TRPM8: variants seen among roughly 807,000 people sequenced by gnomAD.
TRPM8 encodes the protein transient receptor potential cation channel subfamily M member 8.
In TRPM8, 110 loss-of-function variants were observed where a neutral mutation model predicts 133.7. The ratio of observed to expected loss-of-function variants is 0.82; its 90% CI spans 0.70 to 0.96. The LOEUF is 0.96. Among genes scored for constraint, TRPM8 ranks in the 40% least tolerant of loss-of-function variants. The pLI is 0.00. For synonymous variants in TRPM8, 535 were observed against 532.3 expected, an observed-to-expected ratio of 1.01 and a Z score of -0.07; for missense variants, 1,291 against 1,379.5, an observed-to-expected ratio of 0.94 and a Z score of 1.02.
chr2:233,979,909 T>C (rs1422470707), intron 17 of TRPM8, among the ~76,000 whole-genome samples: 2 of 152,190 alleles, frequency 1.3e-5, no homozygotes. Context: ...ACTCACCCTC[T>C]GCAGGTTCCT....
chr2:233,974,398 T>C (rs1691812609), intron 17 of TRPM8, among the ~76,000 whole-genome samples: 1 of 152,088 alleles, frequency 6.6e-6, no homozygotes, highest in African/African-American at 2.4e-5. Context: ...CATGCCCAGC[T>C]AATTTTTGTA....
intron 1 of TRPM8, among the ~76,000 whole-genome samples, chr2:233,925,578 C>T (rs575121869): frequency 1.3e-5 from 2 of 152,120 alleles, no homozygotes; most frequent in South Asian, 4.2e-4. Flanking sequence ...ACAGTCAGGC[C>T]GGGGAGGTGG....
chr2:233,919,240 GT>G (rs1380647371), intron 1 of TRPM8, among the ~76,000 whole-genome samples: 2 of 152,042 alleles, frequency 1.3e-5, no homozygotes, highest in Non-Finnish European at 2.9e-5. Flanking sequence ...TGAATATTCT[GT>G]TGTTCATGAG....
rs200440269 is a variant in TRPM8, at chr2:233,945,921, C to A, written c.765C>A (p.Asn255Lys). ...FTRDPLYILD[N>K]NHTHLLLVDN... ...GAGATCCACTGTATATCCTGGACAA[C>A]AACCACACACATTTGCTGCTCGTGG... The change falls in exon 7 of 26, where the codon AAC (asparagine) becomes AAA (lysine). Residue 255 changes from asparagine to lysine, a missense_variant. Asn to Lys is a moderately conservative substitution (Grantham distance 94). Coordinates refer to ENST00000324695, the MANE Select transcript of TRPM8 (RefSeq NM_024080.5). 6.8e-6 allele frequency: 11 copies of A among 1,614,036 alleles called. No homozygotes were observed. In the East Asian group the frequency reaches 2.4e-4, roughly 36 times the overall value.
intron 3 of TRPM8, among the ~76,000 whole-genome samples, chr2:233,935,884 C>A (rs1366771584): frequency 1.3e-4 from 20 of 152,072 alleles, no homozygotes; most frequent in Admixed American, 1.2e-3. Context: ...TCTTTGGAGA[C>A]CACATCTCTC....
intron 16 of TRPM8, 51 bp from the exon 17 acceptor site, chr2:233,970,159 C>T: frequency 6.7e-7 from 1 of 1,499,612 alleles, no homozygotes; most frequent in Non-Finnish European, 9.3e-7. Context: ...GAGGGCTGTG[C>T]CCGTCCCATG....
intron 24 of TRPM8, among the ~76,000 whole-genome samples, chr2:234,009,390 C>G (rs980256894): frequency 1.3e-5 from 2 of 152,216 alleles, no homozygotes; most frequent in African/African-American, 4.8e-5. Flanking sequence ...CAAGCCACAC[C>G]TTGGTCCTGA....
At chr2:233,966,871 T>C (rs1458441678) in intron 15 of TRPM8, 116 bp downstream of exon 15, 6 of 1,322,106 alleles carry the variant, frequency 4.5e-6, no homozygotes, top group Non-Finnish European at 6.0e-6. Context: ...ATAAAAGCCA[T>C]AGAAGGAGTG....
chr2:233,941,455 C>T (rs1404485535), intron 5 of TRPM8, among the ~76,000 whole-genome samples: 1 of 152,130 alleles, frequency 6.6e-6, no homozygotes, highest in Non-Finnish European at 1.5e-5. Flanking sequence ...ATTAGAATGA[C>T]TTTGATATGG....
At chr2:234,003,932 G>GTCC (rs1383503834) in intron 22 of TRPM8, among the ~76,000 whole-genome samples, 1 of 152,156 alleles carries the variant, frequency 6.6e-6, no homozygotes, top group Non-Finnish European at 1.5e-5. Flanking sequence ...GGACAAATCA[G>GTCC]TACTCCAGAT....
chr2:233,955,773 A>G (rs1574721194), intron 11 of TRPM8, among the ~76,000 whole-genome samples: 1 of 152,326 alleles, frequency 6.6e-6, no homozygotes, highest in South Asian at 2.1e-4. Flanking sequence ...GTGCCGGTCC[A>G]TGGCCTGTTA....
At chr2:234,003,565 A>T (rs1325351046) in intron 22 of TRPM8, among the ~76,000 whole-genome samples, 3 of 152,198 alleles carry the variant, frequency 2.0e-5, no homozygotes, top group Admixed American at 1.3e-4. Flanking sequence ...TCTTGAAGCC[A>T]TGTCACGGCT....
chr2:233,979,355 C>T lies in TRPM8; in HGVS notation c.2356-833C>T, dbSNP rs546262582. Reference sequence around the variant, plus strand: ...CTTGAGAATTAGCATTGCACCTAATCCAGTGTTTCTGTGTGCCGGGAGCCT... The same window carrying T: ...CTTGAGAATTAGCATTGCACCTAATTCAGTGTTTCTGTGTGCCGGGAGCCT... On this transcript the variant is annotated intron_variant, in intron 17 of 25. Coordinates refer to ENST00000324695, the MANE Select transcript of TRPM8 (RefSeq NM_024080.5). 2.6e-5 allele frequency among the ~76,000 whole-genome samples: 4 copies of T among 152,232 alleles called. No homozygotes were observed. The East Asian group carries it at 7.7e-4, about 29-fold the overall frequency.
chr2:233,996,305 CCTT>C lies in TRPM8; in HGVS notation c.2940-18_2940-16del, dbSNP rs1692399846. ...AGGCATGCGCAATGCTAAGTCTTGG[CCTT>C]CTCTCTTCCCTCACCAGCTACACGG... is the stretch of plus-strand genomic sequence containing the variant. On this transcript the variant is annotated intron_variant, in intron 21 of 25. Coordinates refer to ENST00000324695, the MANE Select transcript of TRPM8 (RefSeq NM_024080.5). The C allele has an allele frequency of 7.4e-6, 12 of 1,612,174 alleles. No individual in the cohort carries two copies. Among genetic ancestry groups the C allele is most frequent in the Non-Finnish European group, 1.0e-5 (12 of 1,178,844 alleles).
At chr2:233,982,682 C>T (rs1692039812) in intron 19 of TRPM8, among the ~76,000 whole-genome samples, 1 of 152,142 alleles carries the variant, frequency 6.6e-6, no homozygotes, top group Non-Finnish European at 1.5e-5. Flanking sequence ...CAACAAACTA[C>T]AAAAATAATT....
intron 21 of TRPM8, among the ~76,000 whole-genome samples, chr2:233,990,522 C>T (rs1212212816): frequency 6.6e-6 from 1 of 152,008 alleles, no homozygotes; most frequent in African/African-American, 2.4e-5. Context: ...AGTGGCTGTA[C>T]ATGCTAGTAC....
At chr2:233,954,514 A>G (rs1431818339) in intron 10 of TRPM8, among the ~76,000 whole-genome samples, 1 of 152,228 alleles carries the variant, frequency 6.6e-6, no homozygotes, top group East Asian at 1.9e-4. Flanking sequence ...AGAATTCCGT[A>G]AAGTGGATGT....
At chr2:233,921,646 T>C (rs1188629759) in intron 1 of TRPM8, among the ~76,000 whole-genome samples, 1 of 150,442 alleles carries the variant, frequency 6.6e-6, no homozygotes, top group East Asian at 2.0e-4. Context: ...TTTCTTTTTT[T>C]TCTTTTTCTT....
chr2:233,929,673 T>G (rs1292030848), intron 2 of TRPM8: 1 of 152,232 alleles, frequency 6.6e-6, no homozygotes, highest in East Asian at 1.9e-4. Context: ...GCCAGGCAGC[T>G]TTGCCAGGCA....
Sources: gnomAD v4.1 joint callset for allele counts (sites outside exome capture counted in the v4.1 genomes callset) on GRCh38, gnomAD v4.1.1 for gene constraint, MANE v1.5 for transcripts, NCBI Gene and HGNC (gene_info 2026-07-23, HGNC 2026-07-21) for gene names.